The following ACYP2 variants were observed in gnomAD, a reference collection of about 807,000 sequenced individuals.
ACYP2 encodes acylphosphatase-2.
A neutral mutation model predicts 11.2 loss-of-function variants in ACYP2; 12 were observed. That is an observed-to-expected ratio of 1.08 (90% CI 0.69 to 1.74). ACYP2 has a LOEUF of 1.74. ACYP2 is among the 40% of genes most tolerant of loss of function. The pLI, the probability that ACYP2 is intolerant of heterozygous loss-of-function variation, is 0.00. For missense variants in ACYP2, 134 were observed against 101.9 expected, an observed-to-expected ratio of 1.31 and a Z score of -1.35; for synonymous variants, 43 against 32.2, an observed-to-expected ratio of 1.33 and a Z score of -1.13.
intron 6 of ACYP2, among the ~76,000 whole-genome samples, chr2:54,288,056 C>T (rs1194530264): frequency 2.0e-5 from 3 of 151,960 alleles, no homozygotes; most frequent in African/African-American, 4.9e-5. Context: ...CCTGCCACTC[C>T]TGTAGCCACA....
At chr2:54,254,655 A>G in intron 6 of ACYP2, 1 of 455,554 alleles carries the variant, frequency 2.2e-6, no homozygotes, top group Non-Finnish European at 3.9e-6. Flanking sequence ...AACCTACAGC[A>G]TCATTCGCTT....
intron 4 of ACYP2, 57 bp from the exon 1 acceptor site, chr2:54,115,558 C>A: frequency 6.6e-7 from 1 of 1,524,144 alleles, no homozygotes; most frequent in Non-Finnish European, 8.8e-7. Context: ...CGACGCGTGA[C>A]CCCGGCGCGC....
intron 2 of ACYP2, among the ~76,000 whole-genome samples, chr2:54,035,373 C>G (rs1216262020): frequency 6.7e-6 from 1 of 150,286 alleles, no homozygotes; most frequent in Non-Finnish European, 1.5e-5. Flanking sequence ...TCACGCCATT[C>G]TCCTGTCTCA....
chr2:54,184,879 C>T (rs1279999834), intron 6 of ACYP2, among the ~76,000 whole-genome samples: 2 of 147,978 alleles, frequency 1.4e-5, no homozygotes, highest in Non-Finnish European at 3.0e-5. Context: ...AAGAGTTTCA[C>T]TCTGTCACCC....
At chr2:54,003,941 G>A (rs182999801) in intron 2 of ACYP2, among the ~76,000 whole-genome samples, 28 of 152,068 alleles carry the variant, frequency 1.8e-4, no homozygotes, top group African/African-American at 4.8e-4. Flanking sequence ...TCATAGATGC[G>A]TAGTGGTACC....
At chr2:54,249,209 G>T (rs1687094549) in intron 6 of ACYP2, among the ~76,000 whole-genome samples, 1 of 152,164 alleles carries the variant, frequency 6.6e-6, no homozygotes, top group African/African-American at 2.4e-5. Flanking sequence ...TTCAGGAAGG[G>T]GACTCCTGGG....
chr2:54,046,889 C>G (rs1675556743), intron 2 of ACYP2, among the ~76,000 whole-genome samples: 1 of 152,196 alleles, frequency 6.6e-6, no homozygotes, highest in African/African-American at 2.4e-5. Context: ...GAGCTGGGTT[C>G]AAATCCAAGT....
intron 4 of ACYP2, among the ~76,000 whole-genome samples, chr2:54,074,578 TTGTGTGTGTGTGTGTGTGTG>T (rs59845178): frequency 2.7e-5 from 4 of 145,950 alleles, no homozygotes; most frequent in South Asian, 4.4e-4. Context: ...AGAACAGAAT[TTGTGTGTGTGTGTGTGTGTG>T]TGTGTGTGTG....
intron 4 of ACYP2, among the ~76,000 whole-genome samples, chr2:54,132,416 A>G (rs755695911): frequency 6.6e-5 from 10 of 152,138 alleles, no homozygotes; most frequent in African/African-American, 2.2e-4. Flanking sequence ...TTATAGCCCT[A>G]TAAAAACTCC....
At chr2:54,249,577 G>C (rs1184828302) in intron 6 of ACYP2, among the ~76,000 whole-genome samples, 1 of 152,154 alleles carries the variant, frequency 6.6e-6, no homozygotes, top group Non-Finnish European at 1.5e-5. Flanking sequence ...ACAGAACCTT[G>C]TGGAAAACTT....
chr2:54,015,045 T>A (rs1184925406), intron 2 of ACYP2, among the ~76,000 whole-genome samples: 1 of 152,212 alleles, frequency 6.6e-6, no homozygotes, highest in African/African-American at 2.4e-5. Context: ...AGCAGCAGTA[T>A]ACTAGCTATC....
intron 2 of ACYP2, among the ~76,000 whole-genome samples, chr2:54,014,161 G>GAA (rs890428878): frequency 7.0e-6 from 1 of 143,470 alleles, no homozygotes; most frequent in Non-Finnish European, 1.5e-5. Flanking sequence ...AACTCCGTCT[G>GAA]AAAAAAAAAA....
chr2:54,115,248 T>C (rs757159892), intron 4 of ACYP2, among the ~76,000 whole-genome samples: 4 of 152,242 alleles, frequency 2.6e-5, no homozygotes, highest in Admixed American at 6.5e-5. Context: ...CATTTCACAA[T>C]GCATACATAT....
At chr2:53,991,203 T>C (rs898050128) in intron 2 of ACYP2, among the ~76,000 whole-genome samples, 1 of 152,224 alleles carries the variant, frequency 6.6e-6, no homozygotes, top group Non-Finnish European at 1.5e-5. Flanking sequence ...TTCTCTCAAA[T>C]GTTGCTGAGT....
intron 6 of ACYP2, among the ~76,000 whole-genome samples, chr2:54,253,007 G>A (rs1359415644): frequency 6.6e-6 from 1 of 151,928 alleles, no homozygotes; most frequent in Non-Finnish European, 1.5e-5. Context: ...GAGGTCAGGA[G>A]TTCAAGACCA....
chr2:54,139,100 G>A (rs111614478), intron 6 of ACYP2, among the ~76,000 whole-genome samples: 97 of 152,304 alleles, frequency 6.4e-4, no homozygotes, highest in African/African-American at 2.1e-3. Context: ...TCTATGTTTA[G>A]GAATGGACTT....
intron 2 of ACYP2, among the ~76,000 whole-genome samples, chr2:53,978,466 C>T (rs1440013366): frequency 6.6e-6 from 1 of 152,012 alleles, no homozygotes. Flanking sequence ...GACAGTGGTC[C>T]CACAAGATTA....
chr2:54,186,765 C>T (rs1455068485), intron 6 of ACYP2, among the ~76,000 whole-genome samples: 1 of 152,170 alleles, frequency 6.6e-6, no homozygotes, highest in South Asian at 2.1e-4. Context: ...CCACCTGCCT[C>T]AGCCTCCCCA....
Position 54,107,173 on chromosome 2 carries a change from C to T in ACYP2, c.278-28280C>T, listed in dbSNP as rs139216111. Among the ~76,000 whole-genome samples the T allele has an allele frequency of 3.9e-5, 6 of 152,200 alleles. No individual in the cohort carries two copies. In the East Asian group the frequency reaches 5.8e-4, roughly 15 times the overall value. ...GACCAGAAATTATGGTTAACTAGAG[C>T]GCTAGACATGTTCTTTTTAATGTTA... On this transcript the variant is annotated intron_variant, in intron 4 of 6. Coordinates refer to ENST00000607452, the MANE Select transcript of ACYP2 (RefSeq NM_001320586.2).
Sources: gnomAD v4.1 joint callset for allele counts (sites outside exome capture counted in the v4.1 genomes callset) on GRCh38, gnomAD v4.1.1 for gene constraint, MANE v1.5 for transcripts, NCBI Gene and HGNC (gene_info 2026-07-23, HGNC 2026-07-21) for gene names.